NALF1: variants seen among roughly 807,000 people sequenced by gnomAD.
The protein encoded by NALF1 is family with sequence similarity 155 member A.
In NALF1, 3 loss-of-function variants were observed where a neutral mutation model predicts 48.4. The observed-to-expected ratio is 0.06, with a 90% CI of 0.03 to 0.16. The LOEUF is 0.16. Among genes scored for constraint, NALF1 ranks in the 10% least tolerant of loss-of-function variants. NALF1 has a pLI of 1.00. For missense variants in NALF1, 526 were observed against 571.5 expected (o/e 0.92, Z 0.81); for synonymous variants, 262 against 245.7 (o/e 1.07, Z -0.62).
intron 1 of NALF1, among the ~76,000 whole-genome samples, chr13:107,840,221 C>T (rs1218241876): frequency 6.6e-6 from 1 of 152,182 alleles, no homozygotes; most frequent in African/African-American, 2.4e-5. Flanking sequence ...AGGATTGAGT[C>T]TTTGGGACTG....
chr13:107,771,248 T>TGTGTGTGTGTGTGTG (rs1877567467), intron 1 of NALF1, among the ~76,000 whole-genome samples: 7 of 150,928 alleles, frequency 4.6e-5, no homozygotes, highest in Non-Finnish European at 1.0e-4. Context: ...TTTTAACATG[T>TGTGTGTGTGTGTGTG]TGTGTGTGTG....
chr13:107,738,355 C>T (rs978526911), intron 1 of NALF1, among the ~76,000 whole-genome samples: 1 of 152,170 alleles, frequency 6.6e-6, no homozygotes, highest in African/African-American at 2.4e-5. Context: ...ATTCTGTGGA[C>T]TCATGATCTT....
At chr13:107,708,996 TA>T (rs1875485433) in intron 1 of NALF1, among the ~76,000 whole-genome samples, 1 of 152,172 alleles carries the variant, frequency 6.6e-6, no homozygotes, top group Admixed American at 6.5e-5. Context: ...GGGGACAACA[TA>T]AAATAAGTGT....
chr13:107,587,926 G>A (rs1034078512), intron 1 of NALF1, among the ~76,000 whole-genome samples: 2 of 152,026 alleles, frequency 1.3e-5, no homozygotes, highest in African/African-American at 4.8e-5. Context: ...GTATCTCCAG[G>A]ACCTAGCACA....
At chr13:107,706,414 CATT>C (rs1288106485) in intron 1 of NALF1, among the ~76,000 whole-genome samples, 1 of 152,118 alleles carries the variant, frequency 6.6e-6, no homozygotes, top group African/African-American at 2.4e-5. Context: ...CCTAATAAGA[CATT>C]ATAGTATATT....
At chr13:107,835,911 G>A (rs979838447) in intron 1 of NALF1, among the ~76,000 whole-genome samples, 24 of 152,174 alleles carry the variant, frequency 1.6e-4, no homozygotes, top group African/African-American at 5.5e-4. Flanking sequence ...ATCATCAGGA[G>A]AACCAACAAA....
intron 1 of NALF1, among the ~76,000 whole-genome samples, chr13:107,479,461 T>C (rs530024940): frequency 1.4e-4 from 22 of 152,324 alleles, no homozygotes; most frequent in Non-Finnish European, 1.3e-4. Context: ...TGATTCTCAT[T>C]CTGCTCTAAC....
intron 1 of NALF1, among the ~76,000 whole-genome samples, chr13:107,387,503 A>G (rs1358652526): frequency 2.6e-5 from 4 of 152,152 alleles, no homozygotes; most frequent in Admixed American, 2.0e-4. Context: ...GTTCAATTGA[A>G]AGCATGCTGC....
intron 1 of NALF1, among the ~76,000 whole-genome samples, chr13:107,520,527 G>C (rs1008321429): frequency 6.6e-6 from 1 of 152,206 alleles, no homozygotes; most frequent in African/African-American, 2.4e-5. Flanking sequence ...TCATAAGGTA[G>C]GATTAATTGT....
intron 1 of NALF1, among the ~76,000 whole-genome samples, chr13:107,789,825 C>A (rs918154570): frequency 1.3e-5 from 2 of 152,122 alleles, no homozygotes; most frequent in Admixed American, 1.3e-4. Flanking sequence ...CACCTAAATT[C>A]CTGGTGAACT....
intron 1 of NALF1, among the ~76,000 whole-genome samples, chr13:107,574,998 C>T (rs969308966): frequency 1.3e-5 from 2 of 152,040 alleles, no homozygotes; most frequent in African/African-American, 4.8e-5. Flanking sequence ...CAACAAAACT[C>T]CTGGATGCAT....
chr13:107,211,701 G>C (rs930852243), intron 1 of NALF1, among the ~76,000 whole-genome samples: 1 of 152,026 alleles, frequency 6.6e-6, no homozygotes, highest in African/African-American at 2.4e-5. Flanking sequence ...TCTATTTCTA[G>C]GGTTAATATT....
At chr13:107,848,463 C>T (rs1017523437) in intron 1 of NALF1, among the ~76,000 whole-genome samples, 4 of 152,200 alleles carry the variant, frequency 2.6e-5, no homozygotes, top group African/African-American at 9.6e-5. Context: ...TTTCAAGTAA[C>T]TTTCCCAAAT....
intron 1 of NALF1, among the ~76,000 whole-genome samples, chr13:107,779,416 T>G (rs1167157381): frequency 6.6e-6 from 1 of 152,212 alleles, no homozygotes; most frequent in African/African-American, 2.4e-5. Context: ...ATCCTATACA[T>G]TATCTGAGTC....
At chr13:107,749,170 G>A (rs1437443024) in intron 1 of NALF1, among the ~76,000 whole-genome samples, 2 of 150,606 alleles carry the variant, frequency 1.3e-5, no homozygotes, top group East Asian at 1.9e-4. Flanking sequence ...GTGTGTCTAC[G>A]TGTCTGTGTG....
chr13:107,751,987 T>A (rs1876953673), intron 1 of NALF1, among the ~76,000 whole-genome samples: 1 of 152,084 alleles, frequency 6.6e-6, no homozygotes, highest in Non-Finnish European at 1.5e-5. Context: ...TAGTATTCTA[T>A]CAAATTTCAA....
At chr13:107,327,262 C>A (rs1882382313) in intron 1 of NALF1, among the ~76,000 whole-genome samples, 1 of 152,036 alleles carries the variant, frequency 6.6e-6, no homozygotes, top group Admixed American at 6.6e-5. Flanking sequence ...TAGCTTAGTC[C>A]ATTGGCTATA....
intron 1 of NALF1, among the ~76,000 whole-genome samples, chr13:107,488,978 A>G (rs1885373209): frequency 1.3e-5 from 2 of 152,142 alleles, no homozygotes; most frequent in Non-Finnish European, 2.9e-5. Context: ...TACACAAATA[A>G]CAGTCAAGCT....
At chr13:107,590,048 C>T (rs1221134292) in intron 1 of NALF1, among the ~76,000 whole-genome samples, 1 of 151,916 alleles carries the variant, frequency 6.6e-6, no homozygotes, top group Non-Finnish European at 1.5e-5. Flanking sequence ...AGACACTAGA[C>T]ATACAGAAAG....
Sources: allele counts gnomAD v4.1 joint callset (sites outside exome capture counted in the v4.1 genomes callset), GRCh38; gene constraint gnomAD v4.1.1; transcripts MANE v1.5; gene names NCBI Gene and HGNC (gene_info 2026-07-23, HGNC 2026-07-21).